CDK15: variants seen among roughly 807,000 people sequenced by gnomAD.
CDK15 encodes the protein cyclin-dependent kinase 15.
Under a neutral mutation model 60.3 loss-of-function variants are expected in CDK15, and 62 were observed. The observed-to-expected ratio is 1.03, with a 90% CI of 0.84 to 1.27. The LOEUF is 1.27. Ranked by LOEUF, CDK15 falls within the 50% of genes most tolerant of loss-of-function variation. The pLI, the probability that CDK15 is intolerant of heterozygous loss-of-function variation, is 0.00. For synonymous variants in CDK15, 194 were observed against 195.7 expected (o/e 0.99, Z 0.07); for missense variants, 541 against 527.8 (o/e 1.03, Z -0.25).
intron 7 of CDK15, among the ~76,000 whole-genome samples, chr2:201,834,747 T>A (rs537512019): frequency 3.5e-4 from 54 of 152,344 alleles, no homozygotes; most frequent in African/African-American, 1.2e-3. Flanking sequence ...CTATGTGAGC[T>A]AAGGAACCAC....
intron 8 of CDK15, among the ~76,000 whole-genome samples, chr2:201,837,451 GA>G (rs1288830407): frequency 4.7e-3 from 6 of 1,276 alleles, no homozygotes; most frequent in African/African-American, 0.036. Flanking sequence ...GGAAGGAAAG[GA>G]AGGAAGGAAG....
At chr2:201,830,265 G>A (rs1158548916) in intron 6 of CDK15, among the ~76,000 whole-genome samples, 1 of 152,148 alleles carries the variant, frequency 6.6e-6, no homozygotes, top group African/African-American at 2.4e-5. Context: ...TTAGATTTTA[G>A]TAGAAGTAGA....
rs73989604 is a variant in CDK15, at chr2:201,894,751, T to C, written c.*1484T>C. 0.14 allele frequency: 20,955 copies of C among 152,058 alleles called. 2,996 individuals carry two copies. The highest frequency in any genetic ancestry group is 0.35 in the African/African-American group (14,394 of 41,416). The allele number at this position is 152,058 out of a possible 1,614,324, so 9.4% of individuals were successfully genotyped here. ...GTGAAGATGCAAACCTCAGACCTGG[T>C]TCTCCAATGTTCCTGACACCTATCG... is the stretch of plus-strand genomic sequence containing the variant. On this transcript the variant is annotated 3_prime_UTR_variant, in exon 14 of 14. Coordinates refer to ENST00000652192, the MANE Select transcript of CDK15 (RefSeq NM_001366386.2).
intron 12 of CDK15, chr2:201,888,521 T>G (rs1269361706): frequency 1.3e-6 from 2 of 1,523,486 alleles, no homozygotes; most frequent in African/African-American, 1.4e-5. Flanking sequence ...GTCACCAGAG[T>G]GGAAGGTTTT....
chr2:201,825,790 AG>A (rs1696459267), intron 6 of CDK15, among the ~76,000 whole-genome samples: 1 of 152,236 alleles, frequency 6.6e-6, no homozygotes, highest in Non-Finnish European at 1.5e-5. Context: ...TCAAGACAGA[AG>A]TTAATGTGCT....
At chr2:201,861,559 T>TTTTTTC (rs1459186701) in intron 10 of CDK15, 2 of 935,884 alleles carry the variant, frequency 2.1e-6, no homozygotes, top group Middle Eastern at 5.5e-4. Flanking sequence ...TTGTTTTTTT[T>TTTTTTC]TTTTTCTTTT....
At chr2:201,848,789 T>C (rs1697780833) in intron 9 of CDK15, among the ~76,000 whole-genome samples, 1 of 152,178 alleles carries the variant, frequency 6.6e-6, no homozygotes, top group African/African-American at 2.4e-5. Flanking sequence ...CTGCTGCTTG[T>C]CTTCTGGCTA....
At chr2:201,824,927 T>G (rs1696399731) in intron 6 of CDK15, 1 of 327,938 alleles carries the variant, frequency 3.0e-6, no homozygotes, top group Admixed American at 5.6e-5. Context: ...TAGATACAGC[T>G]TGTAGAGCTC....
At chr2:201,818,592 TC>T (rs1408115403) in intron 4 of CDK15, among the ~76,000 whole-genome samples, 3 of 152,214 alleles carry the variant, frequency 2.0e-5, no homozygotes, top group Non-Finnish European at 4.4e-5. Context: ...GCATTTCAGA[TC>T]CCTCTGGTGG....
chr2:201,887,898 A>G (rs1699512978), intron 12 of CDK15, among the ~76,000 whole-genome samples: 1 of 152,174 alleles, frequency 6.6e-6, no homozygotes, highest in African/African-American at 2.4e-5. Flanking sequence ...CATAATCACG[A>G]GGATGTGTGC....
At chr2:201,879,907 G>C in intron 11 of CDK15, 121 bp from the exon 12 acceptor site, 1 of 1,340,148 alleles carries the variant, frequency 7.5e-7, no homozygotes. Flanking sequence ...GCAATTCCAG[G>C]AAAATTCTAC....
chr2:201,855,325 G>T (rs1258996399), intron 10 of CDK15, among the ~76,000 whole-genome samples: 1 of 152,192 alleles, frequency 6.6e-6, no homozygotes, highest in Non-Finnish European at 1.5e-5. Flanking sequence ...GAAAGCTAAT[G>T]CAACAGAACA....
At chr2:201,877,268 A>G (rs1245260552) in intron 11 of CDK15, among the ~76,000 whole-genome samples, 1 of 152,192 alleles carries the variant, frequency 6.6e-6, no homozygotes, top group Non-Finnish European at 1.5e-5. Context: ...GTCCAATCAG[A>G]CTGCAGCCCC....
Position 201,806,758 on chromosome 2 carries a change from C to A in CDK15, c.94C>A (p.Gln32Lys). 1 of 1,598,520 alleles carries A rather than the reference C, an allele frequency of 6.3e-7. No individual in the cohort carries two copies. Among genetic ancestry groups the A allele is most frequent in the South Asian group, 1.1e-5 (1 of 91,034 alleles). The change falls in exon 1 of 14, where the codon CAG becomes AAG. Residue 32 changes from glutamine to lysine, a missense_variant. Transcript: ENST00000652192. ...GGEAHSCRRS[Q>K]PETTEAAFKL... The stretch of plus-strand genomic sequence containing the variant: ...CGAGGCACACAGCTGTCGGAGGAGT[C>A]AGCCTGAGACCACGGAGGCTGCGTT...
intron 12 of CDK15, among the ~76,000 whole-genome samples, chr2:201,888,086 T>G (rs1365421422): frequency 6.7e-6 from 1 of 149,820 alleles, no homozygotes; most frequent in Non-Finnish European, 1.5e-5. Flanking sequence ...TATGGGCAAG[T>G]AAAAGAGATT....
intron 11 of CDK15, among the ~76,000 whole-genome samples, chr2:201,873,566 G>C (rs1698946454): frequency 6.6e-6 from 1 of 152,216 alleles, no homozygotes; most frequent in African/African-American, 2.4e-5. Flanking sequence ...GCAGAAGATA[G>C]TTCACCAGCC....
intron 11 of CDK15, among the ~76,000 whole-genome samples, chr2:201,874,382 A>G (rs1406576108): frequency 6.6e-6 from 1 of 152,184 alleles, no homozygotes; most frequent in Non-Finnish European, 1.5e-5. Context: ...TTAACATTGG[A>G]TGGGATATAT....
intron 3 of CDK15, among the ~76,000 whole-genome samples, chr2:201,812,196 AAAAC>A (rs1695806287): frequency 3.3e-5 from 5 of 150,432 alleles, no homozygotes; most frequent in African/African-American, 7.4e-5. Context: ...AAAAAACAAA[AAAAC>A]AAAAAAACAC....
chr2:201,815,699 A>G (rs1485068117), intron 4 of CDK15, among the ~76,000 whole-genome samples: 3 of 152,202 alleles, frequency 2.0e-5, no homozygotes, highest in African/African-American at 7.2e-5. Context: ...TTTTTGTTCA[A>G]GTGGTCAACT....
Sources: allele counts gnomAD v4.1 joint callset (sites outside exome capture counted in the v4.1 genomes callset), GRCh38; gene constraint gnomAD v4.1.1; transcripts MANE v1.5; gene names NCBI Gene and HGNC (gene_info 2026-07-23, HGNC 2026-07-21).